The following OSBPL5 variants were observed in gnomAD, a reference collection of about 807,000 sequenced individuals.
OSBPL5 encodes the protein oxysterol binding protein like 5.
In OSBPL5, 71 loss-of-function variants were observed where a neutral mutation model predicts 111.2. That is an observed-to-expected ratio of 0.64 (90% CI 0.53 to 0.78). The LOEUF (loss-of-function observed/expected upper bound fraction) is 0.78, where lower values mean the gene tolerates loss of function less well. Ranked by LOEUF, OSBPL5 falls within the 30% of genes least tolerant of loss-of-function variation. The probability of loss-of-function intolerance (pLI) is 0.00; values close to 1 mark genes in which losing one functional copy is unlikely to be tolerated. For missense variants in OSBPL5, 1,210 were observed against 1,189.3 expected (o/e 1.02, Z -0.26); for synonymous variants, 549 against 513.9 (o/e 1.07, Z -0.93).
chr11:3,163,656 G>C (rs545203489), intron 1 of OSBPL5, among the ~76,000 whole-genome samples: 3 of 152,294 alleles, frequency 2.0e-5, no homozygotes, highest in African/African-American at 7.2e-5. Context: ...ATGGCTGCCC[G>C]GGGTTCGACA....
chr11:3,123,461 G>T (rs891037085), intron 3 of OSBPL5, among the ~76,000 whole-genome samples: 3 of 152,258 alleles, frequency 2.0e-5, no homozygotes, highest in Non-Finnish European at 4.4e-5. Flanking sequence ...GATCCGGCAG[G>T]CGTTGTCTGT....
intron 1 of OSBPL5, chr11:3,164,146 G>C (rs994805026): frequency 1.3e-5 from 2 of 152,262 alleles, no homozygotes; most frequent in African/African-American, 4.8e-5. Flanking sequence ...TGTATCAGGT[G>C]GGGTGGGACC....
intron 1 of OSBPL5, among the ~76,000 whole-genome samples, chr11:3,158,372 G>A (rs1846844212): frequency 6.6e-6 from 1 of 152,260 alleles, no homozygotes; most frequent in Admixed American, 6.5e-5. Context: ...TGCCACGTGG[G>A]AGCACGCGCT....
chr11:3,138,753 C>T (rs894025085), intron 1 of OSBPL5, among the ~76,000 whole-genome samples: 3 of 152,240 alleles, frequency 2.0e-5, no homozygotes, highest in African/African-American at 7.2e-5. Flanking sequence ...CAGTGGACGG[C>T]CCTGCAGGCC....
Position 3,165,299 on chromosome 11 carries a change from A to G in OSBPL5, c.-105T>C, listed in dbSNP as rs1465721841. 1 of 151,440 alleles carries G rather than the reference A, an allele frequency of 6.6e-6. No individual in the cohort carries two copies. Among genetic ancestry groups the G allele is most frequent in the Non-Finnish European group, 1.5e-5 (1 of 67,804 alleles). The allele number at this position is 151,440 out of a possible 1,614,324, so 9.4% of individuals were successfully genotyped here. On this transcript the variant is annotated 5_prime_UTR_variant, in exon 1 of 22. Transcript: ENST00000263650. This position sits in a 1 kb window ranked among gnomAD's most constrained non-coding sequence, Gnocchi z 7.4. The stretch of plus-strand genomic sequence containing the variant: ...GGCGGCGCGGGCCTGGCTGCAGGAA[A>G]TGCCAGCAGATGGTCCCCCCGCGCG...
In OSBPL5 at chr11:3,092,150, T is replaced by C. The variant is rs1435920594; in HGVS notation, c.2259+282A>G. Reference sequence around the variant, plus strand: ...TTTCCTGATCAGTGGAATGGGATAATGTGGCTGCTAACTTGGCAGAGGGAG... The same window carrying C: ...TTTCCTGATCAGTGGAATGGGATAACGTGGCTGCTAACTTGGCAGAGGGAG... On this transcript the variant is annotated intron_variant, in intron 19 of 21. Coordinates refer to ENST00000263650, the MANE Select transcript of OSBPL5 (RefSeq NM_020896.4). This position sits in a 1 kb window ranked among gnomAD's most constrained non-coding sequence, Gnocchi z 5.4. Among the ~76,000 whole-genome samples the C allele has an allele frequency of 2.7e-5, 4 of 150,524 alleles. No homozygotes were observed. Among genetic ancestry groups the C allele is most frequent in the Non-Finnish European group, 4.4e-5 (3 of 67,664 alleles).
In OSBPL5 at chr11:3,103,228, C is replaced by G; in HGVS notation, c.1326+11G>C. ...CCGGAGCCCCACCCTCCCTGGCTGG[C>G]AGGGGCTCACCTTGGGCTTCTTGTA... On this transcript the variant is annotated intron_variant, in intron 11 of 21. Transcript: ENST00000263650. The G allele has an allele frequency of 6.3e-7, 1 of 1,591,740 alleles. No homozygotes were observed. Among genetic ancestry groups the G allele is most frequent in the Non-Finnish European group, 8.6e-7 (1 of 1,168,360 alleles).
intron 14 of OSBPL5, chr11:3,094,927 A>G (rs1405412963): frequency 6.6e-6 from 1 of 152,204 alleles, no homozygotes; most frequent in East Asian, 1.9e-4. Flanking sequence ...CATGTCTGGC[A>G]TATGGAGGAG....
intron 7 of OSBPL5, among the ~76,000 whole-genome samples, chr11:3,118,009 C>T (rs1858269573): frequency 6.6e-6 from 1 of 152,224 alleles, no homozygotes; most frequent in Non-Finnish European, 1.5e-5. Flanking sequence ...GGACATGAGA[C>T]TTCACAGCCT....
Position 3,107,776 on chromosome 11 carries a change from C to G in OSBPL5, c.861G>C (p.Leu287=). ...TGTGCCCTCGCCCCACTCACGGGAA[C>G]AGGTCTTGGTCTGGGTGGACGGTGG... ...ASATVHPDQD[L]FPLNGSSLEN... is the part of the protein sequence containing the mutation. The change falls in exon 8 of 22, where the codon CTG becomes CTC. Residue 287 remains leucine (L), a synonymous_variant. Coordinates refer to ENST00000263650, the MANE Select transcript of OSBPL5 (RefSeq NM_020896.4). This position sits in a 1 kb window ranked among gnomAD's most constrained non-coding sequence, Gnocchi z 6.1. 6.2e-7 allele frequency: 1 copy of G among 1,612,040 alleles called. No homozygotes were observed. Among genetic ancestry groups the G allele is most frequent in the Non-Finnish European group, 8.5e-7 (1 of 1,179,936 alleles).
At chr11:3,132,583 C>T (rs926273489) in intron 1 of OSBPL5, among the ~76,000 whole-genome samples, 7 of 152,182 alleles carry the variant, frequency 4.6e-5, no homozygotes, top group Admixed American at 1.3e-4. Flanking sequence ...CCCACTCTGT[C>T]GCCCACTCTG....
Position 3,089,863 on chromosome 11 carries a change from G to A in OSBPL5, c.2484C>T (p.Ala828=). 6.4e-7 allele frequency: 1 copy of A among 1,562,702 alleles called. No individual in the cohort carries two copies. Among genetic ancestry groups the A allele is most frequent in the Non-Finnish European group, 8.7e-7 (1 of 1,153,750 alleles). The part of the protein sequence containing the change: ...LHEAILSIRE[A]QQELHRHLSA... ...TGGCCCACCTGTGCAGCTCCTGCTG[G>A]GCCTCTCGGATGGAGAGGATGGCCT... is the stretch of plus-strand genomic sequence containing the variant. The change falls in exon 21 of 22, where the codon GCC becomes GCT. Residue 828 remains alanine, a synonymous_variant. Coordinates refer to ENST00000263650, the MANE Select transcript of OSBPL5 (RefSeq NM_020896.4).
At chr11:3,129,201 T>A in intron 1 of OSBPL5, 32 bp from the exon 2 acceptor site, 1 of 1,359,490 alleles carries the variant, frequency 7.4e-7, no homozygotes, top group Non-Finnish European at 9.5e-7. Flanking sequence ...CAGCAGGAGG[T>A]CACCGCCCCG....
intron 1 of OSBPL5, among the ~76,000 whole-genome samples, chr11:3,159,254 T>G (rs1295036194): frequency 2.6e-5 from 4 of 152,112 alleles, no homozygotes; most frequent in African/African-American, 9.7e-5. Flanking sequence ...CTCTCAGGTG[T>G]CCCTGGGGCT....
chr11:3,160,279 A>C (rs1038240661), intron 1 of OSBPL5, among the ~76,000 whole-genome samples: 19 of 152,110 alleles, frequency 1.2e-4, no homozygotes, highest in African/African-American at 4.3e-4. Context: ...CCTCCCGCCC[A>C]GGACCAGGAG....
At chr11:3,111,349 A>T (rs1857921642) in intron 7 of OSBPL5, among the ~76,000 whole-genome samples, 1 of 148,268 alleles carries the variant, frequency 6.7e-6, no homozygotes, top group South Asian at 2.1e-4. Flanking sequence ...GGGAAGATGA[A>T]TTTTTTTTTT....
chr11:3,107,755 C>A lies in OSBPL5; in HGVS notation c.866+16G>T. ...CCGTGAATCACCACCAGCCCCTGTG[C>A]CCTCGCCCCACTCACGGGAACAGGT... On this transcript the variant is annotated intron_variant, in intron 8 of 21. Transcript: ENST00000263650. This position sits in a 1 kb window ranked among gnomAD's most constrained non-coding sequence, Gnocchi z 6.1. 6.2e-7 allele frequency: 1 copy of A among 1,609,568 alleles called. No homozygotes were observed. The highest frequency in any genetic ancestry group is 8.5e-7 in the Non-Finnish European group (1 of 1,179,654).
At chr11:3,138,301 A>T (rs901434842) in intron 1 of OSBPL5, among the ~76,000 whole-genome samples, 2 of 152,192 alleles carry the variant, frequency 1.3e-5, no homozygotes, top group Non-Finnish European at 1.5e-5. Context: ...TCCCTGAGGC[A>T]GGCCTGGCCC....
At chr11:3,103,885 C>CTCTGCAGT (rs1564830894) in intron 10 of OSBPL5, among the ~76,000 whole-genome samples, 1 of 49,932 alleles carries the variant, frequency 2.0e-5, no homozygotes, top group African/African-American at 9.7e-5. Context: ...CCTCTGTAGC[C>CTCTGCAGT]CCATTCCTGC....
Sources: allele counts gnomAD v4.1 joint callset (sites outside exome capture counted in the v4.1 genomes callset), GRCh38; gene constraint gnomAD v4.1.1; non-coding constraint Gnocchi (gnomAD v3.1); transcripts MANE v1.5; gene names NCBI Gene and HGNC (gene_info 2026-07-23, HGNC 2026-07-21).